Variants in ZNF805 observed in about 807,000 individuals in gnomAD.
ZNF805 encodes zinc finger protein 805, also known as CTC-444N24.8.
In ZNF805, 7 loss-of-function variants were observed where a neutral mutation model predicts 13.6. That is an observed-to-expected ratio of 0.51 (90% CI 0.29 to 0.97). ZNF805 has a LOEUF of 0.97. Among genes scored for constraint, ZNF805 ranks in the 50% least tolerant of loss-of-function variants. The pLI is 0.08. For missense variants in ZNF805, 604 were observed against 771.0 expected (o/e 0.78, Z 2.57); for synonymous variants, 293 against 279.8 (o/e 1.05, Z -0.47).
At position 57,253,223 on chromosome 19, in the gene ZNF805, A is replaced by G; in HGVS notation, c.404A>G (p.Gln135Arg). 6.4e-7 allele frequency: 1 copy of G among 1,559,310 alleles called. No individual in the cohort carries two copies. The highest frequency in any genetic ancestry group is 1.2e-5 in the South Asian group (1 of 84,404). ...PKDQDGFSEM[Q>R]GERLRPGLDS... ...GATCAGGATGGGTTTTCAGAAATGC[A>G]GGGAGAACGCTTGAGACCAGGGTTA... Residue 135 changes from glutamine to arginine, a missense_variant, in exon 4 of 4, where the codon CAG becomes CGG. Transcript: ENST00000414468. The surrounding 1 kb of genome is among the most constrained non-coding windows in gnomAD (Gnocchi z 4.4).
rs1462245977 is a variant in ZNF805, at chr19:57,260,172, C to T, written c.*5469C>T. Among the ~76,000 whole-genome samples, 2 of 152,152 alleles carry T rather than the reference C, an allele frequency of 1.3e-5. No individual in the cohort carries two copies. The highest frequency in any genetic ancestry group is 2.9e-5 in the Non-Finnish European group (2 of 68,036). ...ACTTTTTTATTAGACACACACACAC[C>T]CTTCCCCAACCAAACTTGTCTAAGT... is the stretch of plus-strand genomic sequence containing the variant. On this transcript the variant is annotated 3_prime_UTR_variant, in exon 4 of 4. Coordinates refer to ENST00000414468, the MANE Select transcript of ZNF805 (RefSeq NM_001023563.4).
At position 57,253,012 on chromosome 19, in the gene ZNF805, A is replaced by C; in HGVS notation, c.254-61A>C. The C allele has an allele frequency of 1.5e-6, 2 of 1,313,052 alleles. No homozygotes were observed. Among genetic ancestry groups the C allele is most frequent in the Non-Finnish European group, 2.0e-6 (2 of 1,015,272 alleles). The allele number at this position is 1,313,052 out of a possible 1,614,324, so 81.3% of individuals were successfully genotyped here. A position where few individuals can be genotyped will look rare whatever the true frequency, so the allele number is the denominator to read the frequency against. On this transcript the variant is annotated intron_variant, in intron 3 of 3. Coordinates refer to ENST00000414468, the MANE Select transcript of ZNF805 (RefSeq NM_001023563.4). This position sits in a 1 kb window ranked among gnomAD's most constrained non-coding sequence, Gnocchi z 4.4. ...CTTCATTTTTTTTACTGAAGTGGTG[A>C]GTTTGTTTCTTCTCTTTTTACATTA...
Position 57,260,532 on chromosome 19 carries a change from G to T in ZNF805, c.*5829G>T, listed in dbSNP as rs184980802. On this transcript the variant is annotated 3_prime_UTR_variant, in exon 4 of 4. Coordinates refer to ENST00000414468, the MANE Select transcript of ZNF805 (RefSeq NM_001023563.4). Reference sequence around the variant, plus strand: ...ATACTGCTAAATCTCTGACTTGAAGGTCCTTTCCTGGCTTCTGTGAATTCC... The same window carrying T: ...ATACTGCTAAATCTCTGACTTGAAGTTCCTTTCCTGGCTTCTGTGAATTCC... 6.6e-6 allele frequency among the ~76,000 whole-genome samples: 1 copy of T among 152,224 alleles called. No homozygotes were observed.
rs1395640024 is a variant in ZNF805 at position 57,240,886 on chromosome 19, C to T, written c.-6C>T. On this transcript the variant is annotated 5_prime_UTR_variant, in exon 1 of 4. Coordinates refer to ENST00000414468, the MANE Select transcript of ZNF805 (RefSeq NM_001023563.4). ...CCCCGCCCCGCTAGGGCCACAGGGT[C>T]CCGGTATGGCGATGGCTTTGACGGA... 7 of 1,553,434 alleles carry T rather than the reference C, an allele frequency of 4.5e-6. 1 individual carries two copies. In the South Asian group the frequency reaches 7.1e-5, roughly 16 times the overall value.
At position 57,259,142 on chromosome 19, in the gene ZNF805, T is replaced by C. The variant is rs2087708148; in HGVS notation, c.*4439T>C. On this transcript the variant is annotated 3_prime_UTR_variant, in exon 4 of 4. Coordinates refer to ENST00000414468, the MANE Select transcript of ZNF805 (RefSeq NM_001023563.4). ...TATGAGGTGTGTGACATGGAATTTTTTTGAGTGTATCATGTTTGGTTTTTG... is the reference window on the plus strand; with the variant it reads ...TATGAGGTGTGTGACATGGAATTTTCTTGAGTGTATCATGTTTGGTTTTTG... Among the ~76,000 whole-genome samples, 1 of 152,228 alleles carries C rather than the reference T, an allele frequency of 6.6e-6. No homozygotes were observed. The highest frequency in any genetic ancestry group is 6.5e-5 in the Admixed American group (1 of 15,282).
At chr19:57,251,295 TA>T (rs78291365) in intron 3 of ZNF805, among the ~76,000 whole-genome samples, 27,415 of 152,102 alleles carry the variant, frequency 0.18, 2,583 homozygotes, top group African/African-American at 0.19. Flanking sequence ...CTTGAAACTA[TA>T]AGGCCCCTCA....
chr19:57,241,433 C>T (rs2087579334), intron 1 of ZNF805, among the ~76,000 whole-genome samples: 3 of 152,090 alleles, frequency 2.0e-5, no homozygotes, highest in South Asian at 2.1e-4. Context: ...TTCTAGTTAG[C>T]CCTTCTGCAG....
In ZNF805 at chr19:57,258,827, T is replaced by C. The variant is rs560097441; in HGVS notation, c.*4124T>C. On this transcript the variant is annotated 3_prime_UTR_variant, in exon 4 of 4. Coordinates refer to ENST00000414468, the MANE Select transcript of ZNF805 (RefSeq NM_001023563.4). ...TAAGCCACCTTCTATTAACATTTTC[T>C]TTCTGTTTGGCGAACTTGTGTAACC... 6.6e-6 allele frequency among the ~76,000 whole-genome samples: 1 copy of C among 152,364 alleles called. No individual in the cohort carries two copies. The highest frequency in any genetic ancestry group is 1.5e-5 in the Non-Finnish European group (1 of 68,032).
chr19:57,248,789 T>G, intron 3 of ZNF805, 89 bp downstream of exon 3: 1 of 1,187,938 alleles, frequency 8.4e-7, no homozygotes, highest in South Asian at 1.3e-5. Context: ...GGGAAGCTTC[T>G]CACTGTGGCT....
In ZNF805 at chr19:57,254,304, G is replaced by T. The variant is rs754640975; in HGVS notation, c.1485G>T (p.Arg495Ser). 4 of 1,613,290 alleles carry T rather than the reference G, an allele frequency of 2.5e-6. No homozygotes were observed. Among genetic ancestry groups the T allele is most frequent in the Non-Finnish European group, 3.4e-6 (4 of 1,179,886 alleles). The change falls in exon 4 of 4, where the codon AGG (arginine) becomes AGT (serine). Residue 495 changes from arginine to serine, a missense_variant. Coordinates refer to ENST00000414468, the MANE Select transcript of ZNF805 (RefSeq NM_001023563.4). ...CMECGKAFNR[R>S]SGLTRHQRIH... ...AGTGTGGAAAGGCCTTCAACCGCAG[G>T]TCAGGCCTCACAAGGCACCAGCGGA...
rs373842181 is a variant in ZNF805, at chr19:57,254,374, A to T, written c.1555A>T (p.Thr519Ser). 6 of 1,613,418 alleles carry T rather than the reference A, an allele frequency of 3.7e-6. No individual in the cohort carries two copies. In the African/African-American group the frequency reaches 8.0e-5, roughly 22 times the overall value. Reference protein sequence around the residue: ...KPYECIECGKTFCWSTNLIRH... With the variant: ...KPYECIECGKSFCWSTNLIRH... Reference sequence around the variant, plus strand: ...CTATGAATGCATCGAGTGTGGGAAAACATTTTGCTGGAGCACAAACCTCAT... The same window carrying T: ...CTATGAATGCATCGAGTGTGGGAAATCATTTTGCTGGAGCACAAACCTCAT... The change falls in exon 4 of 4, where the codon ACA (threonine) becomes TCA (serine). Residue 519 changes from threonine (T) to serine (S), a missense_variant. Coordinates refer to ENST00000414468, the MANE Select transcript of ZNF805 (RefSeq NM_001023563.4).
Position 57,257,902 on chromosome 19 carries a change from T to G in ZNF805, c.*3199T>G, listed in dbSNP as rs2087698262. Among the ~76,000 whole-genome samples, 1 of 151,822 alleles carries G rather than the reference T, an allele frequency of 6.6e-6. No individual in the cohort carries two copies. The highest frequency in any genetic ancestry group is 6.6e-5 in the Admixed American group (1 of 15,234). On this transcript the variant is annotated 3_prime_UTR_variant, in exon 4 of 4. Transcript: ENST00000414468. The stretch of plus-strand genomic sequence containing the variant: ...TTTGTATTTTTAGTAGAGATGGAGT[T>G]TCACCATGTTGGCCAGGCTGGTCTC...
Position 57,240,845 on chromosome 19 carries a change from C to T in ZNF805, c.-47C>T, listed in dbSNP as rs771722698. The T allele has an allele frequency of 8.4e-6, 13 of 1,540,628 alleles. No homozygotes were observed. The South Asian group carries it at 1.6e-4, about 19-fold the overall frequency. On this transcript the variant is annotated 5_prime_UTR_variant, in exon 1 of 4. Transcript: ENST00000414468. ...GGCTCGGCTGAGCCCGCGAGACCCG[C>T]CCTGCTCGCCGCAGCCCCCGCCCCG...
chr19:57,247,543 A>G (rs1279356728), intron 2 of ZNF805, among the ~76,000 whole-genome samples: 4 of 152,222 alleles, frequency 2.6e-5, no homozygotes, highest in Non-Finnish European at 5.9e-5. Flanking sequence ...TTCGCATCCC[A>G]GGGCTGTTGC....
At position 57,253,778 on chromosome 19, in the gene ZNF805, G is replaced by A. The variant is rs1482570412; in HGVS notation, c.959G>A (p.Cys320Tyr). The change falls in exon 4 of 4, where the codon TGT becomes TAT. Residue 320 changes from cysteine (C) to tyrosine (Y), a missense_variant. By Grantham distance (194) the Cys-to-Tyr change is radical (BLOSUM62 -2). Transcript: ENST00000414468. This position sits in a 1 kb window ranked among gnomAD's most constrained non-coding sequence, Gnocchi z 4.4. ...GAAAAACCCTTTGTGTGCAAAGAGT[G>A]TGGCAAAGCCTTTCGAGATAGGCCA... Reference protein sequence around the residue: ...TGEKPFVCKECGKAFRDRPGF... With the variant: ...TGEKPFVCKEYGKAFRDRPGF... 1.2e-6 allele frequency: 2 copies of A among 1,614,048 alleles called. No homozygotes were observed. Among genetic ancestry groups the A allele is most frequent in the South Asian group, 1.1e-5 (1 of 91,082 alleles).
chr19:57,249,047 T>C (rs928660971), intron 3 of ZNF805, among the ~76,000 whole-genome samples: 1 of 152,176 alleles, frequency 6.6e-6, no homozygotes, highest in Non-Finnish European at 1.5e-5. Flanking sequence ...AAAATTTAAA[T>C]GATTCACACA....
chr19:57,247,239 T>C (rs8108576), intron 2 of ZNF805, among the ~76,000 whole-genome samples: 27,667 of 152,082 alleles, frequency 0.18, 2,644 homozygotes, highest in African/African-American at 0.2. Context: ...TTTAAATATT[T>C]TAATGGTTCG....
chr19:57,242,701 A>C (rs973320840), intron 1 of ZNF805, among the ~76,000 whole-genome samples: 8 of 152,196 alleles, frequency 5.3e-5, no homozygotes, highest in African/African-American at 1.7e-4. Context: ...CTCGTCAGGC[A>C]TTTGGTACTT....
In ZNF805 at chr19:57,256,435, C is replaced by A. The variant is rs1599998996; in HGVS notation, c.*1732C>A. 6.6e-6 allele frequency among the ~76,000 whole-genome samples: 1 copy of A among 152,070 alleles called. No individual in the cohort carries two copies. Among genetic ancestry groups the A allele is most frequent in the African/African-American group, 2.4e-5 (1 of 41,432 alleles). ...TGTTCCTTTAATGTTTGGTAGCTTT[C>A]TCCAGTGAAGAAGTGGGACCTGGAG... On this transcript the variant is annotated 3_prime_UTR_variant, in exon 4 of 4. Transcript: ENST00000414468.
Sources: allele counts gnomAD v4.1 joint callset (sites outside exome capture counted in the v4.1 genomes callset), GRCh38; gene constraint gnomAD v4.1.1; non-coding constraint Gnocchi (gnomAD v3.1); transcripts MANE v1.5; gene names NCBI Gene and HGNC (gene_info 2026-07-23, HGNC 2026-07-21).